The following SLIT2 variants were observed in gnomAD, a reference collection of about 807,000 sequenced individuals.
SLIT2 encodes slit guidance ligand 2, also known as slit homolog 2 protein.
Under a neutral mutation model 185.7 loss-of-function variants are expected in SLIT2, and 41 were observed. That is an observed-to-expected ratio of 0.22 (90% CI 0.17 to 0.29). SLIT2 has a LOEUF of 0.29. Ranked by LOEUF, SLIT2 falls within the 10% of genes least tolerant of loss-of-function variation. The pLI is 1.00. For synonymous variants in SLIT2, 693 were observed against 680.2 expected, an observed-to-expected ratio of 1.02 and a Z score of -0.29; for missense variants, 1,571 against 1,909.0, an observed-to-expected ratio of 0.82 and a Z score of 3.30.
At chr4:20,258,415 G>A (rs2874800) in intron 3 of SLIT2, among the ~76,000 whole-genome samples, 54,680 of 151,178 alleles carry the variant, frequency 0.36, 10,339 homozygotes, top group East Asian at 0.69. Flanking sequence ...TATATTTAGC[G>A]TGGTGAACAT....
At chr4:20,362,016 A>C (rs1722781479) in intron 4 of SLIT2, among the ~76,000 whole-genome samples, 1 of 152,074 alleles carries the variant, frequency 6.6e-6, no homozygotes, top group African/African-American at 2.4e-5. Context: ...ATTTTGCTAC[A>C]CTGTATTAAG....
intron 4 of SLIT2, among the ~76,000 whole-genome samples, chr4:20,386,008 A>T (rs945625720): frequency 2.0e-5 from 3 of 152,216 alleles, no homozygotes; most frequent in Admixed American, 2.0e-4. Flanking sequence ...TCAACTAGTT[A>T]TAACGGCCAA....
intron 4 of SLIT2, among the ~76,000 whole-genome samples, chr4:20,441,346 A>C (rs1560425520): frequency 6.6e-6 from 1 of 152,164 alleles, no homozygotes; most frequent in Non-Finnish European, 1.5e-5. Flanking sequence ...AAAAATTTTC[A>C]ATCTCCTACT....
intron 4 of SLIT2, among the ~76,000 whole-genome samples, chr4:20,387,746 A>T (rs990313675): frequency 1.3e-5 from 2 of 152,064 alleles, no homozygotes; most frequent in African/African-American, 4.8e-5. Context: ...GCAGCAAGAC[A>T]ATGAAGACCT....
intron 4 of SLIT2, among the ~76,000 whole-genome samples, chr4:20,333,860 C>CT (rs2109208485): frequency 6.6e-6 from 1 of 152,184 alleles, no homozygotes; most frequent in East Asian, 1.9e-4. Flanking sequence ...TCAGAAGAAA[C>CT]TTTATTAGGG....
At chr4:20,479,177 T>A (rs922779468) in intron 5 of SLIT2, among the ~76,000 whole-genome samples, 1 of 152,192 alleles carries the variant, frequency 6.6e-6, no homozygotes, top group Admixed American at 6.6e-5. Context: ...GGTAGCCTTG[T>A]GTATGATTGT....
intron 5 of SLIT2, among the ~76,000 whole-genome samples, chr4:20,471,188 A>G (rs974749292): frequency 1.1e-4 from 17 of 152,200 alleles, no homozygotes; most frequent in African/African-American, 3.9e-4. Context: ...TAAAAATTTT[A>G]CATTAAAAGG....
chr4:20,299,496 C>T (rs1312153171), intron 4 of SLIT2, among the ~76,000 whole-genome samples: 3 of 152,094 alleles, frequency 2.0e-5, no homozygotes, highest in Non-Finnish European at 4.4e-5. Context: ...TTATCTATTT[C>T]AATAAATTGA....
intron 26 of SLIT2, 39 bp downstream of exon 26, chr4:20,554,007 C>A: frequency 6.8e-7 from 1 of 1,471,030 alleles, no homozygotes; most frequent in Non-Finnish European, 9.2e-7. Context: ...TTAAGAATTA[C>A]TATATTAAGT....
At chr4:20,617,814 C>G (rs1729800691) in intron 36 of SLIT2, among the ~76,000 whole-genome samples, 164 bp downstream of exon 36, 1 of 151,304 alleles carries the variant, frequency 6.6e-6, no homozygotes, top group Non-Finnish European at 1.5e-5. Flanking sequence ...TCACTACTTG[C>G]AGTTGCTGCT....
chr4:20,355,015 A>G (rs1402291882), intron 4 of SLIT2, among the ~76,000 whole-genome samples: 4 of 151,088 alleles, frequency 2.6e-5, no homozygotes, highest in South Asian at 2.1e-4. Context: ...ACCTTTCCTC[A>G]TTTTTAAGTT....
At position 20,528,732 on chromosome 4, in the gene SLIT2, T is replaced by G. The variant is rs1441829054; in HGVS notation, c.1463-217T>G. Among the ~76,000 whole-genome samples the G allele has an allele frequency of 6.6e-6, 1 of 152,210 alleles. No homozygotes were observed. The highest frequency in any genetic ancestry group is 1.5e-5 in the Non-Finnish European group (1 of 68,034). ...AGTACAGCTGTGAAAAGCTCAACTT[T>G]ATTAATGTTTTCCTGTCATGTGAAT... On this transcript the variant is annotated intron_variant, in intron 15 of 36. Coordinates refer to ENST00000504154, the MANE Select transcript of SLIT2 (RefSeq NM_004787.4). The surrounding 1 kb of genome is among the most constrained non-coding windows in gnomAD (Gnocchi z 4.2).
intron 29 of SLIT2, among the ~76,000 whole-genome samples, chr4:20,582,090 G>A (rs562868744): frequency 6.6e-5 from 10 of 152,250 alleles, no homozygotes; most frequent in East Asian, 3.9e-4. Flanking sequence ...GCCATGCCCC[G>A]ACTCAAAACC....
At chr4:20,349,707 A>G (rs1360089235) in intron 4 of SLIT2, among the ~76,000 whole-genome samples, 1 of 152,168 alleles carries the variant, frequency 6.6e-6, no homozygotes, top group African/African-American at 2.4e-5. Context: ...GGACTTTTAT[A>G]TTTGAATTTC....
intron 26 of SLIT2, chr4:20,554,430 T>A: frequency 2.3e-6 from 1 of 427,862 alleles, no homozygotes; most frequent in Admixed American, 2.5e-5. Context: ...TGTTCTTGTT[T>A]CTTGCTTGTT....
intron 4 of SLIT2, among the ~76,000 whole-genome samples, chr4:20,453,134 A>C (rs1164137582): frequency 6.6e-6 from 1 of 152,190 alleles, no homozygotes; most frequent in Non-Finnish European, 1.5e-5. Context: ...GACTTTTTGC[A>C]TTCAGAACAT....
intron 19 of SLIT2, 95 bp downstream of exon 19, chr4:20,539,679 A>G (rs1010496444): frequency 2.3e-6 from 2 of 855,212 alleles, no homozygotes; most frequent in Non-Finnish European, 3.3e-6. Context: ...TTAAAATGTG[A>G]TCAAGGGTTT....
chr4:20,589,462 T>A (rs1253723621), intron 29 of SLIT2, among the ~76,000 whole-genome samples, 182 bp from the exon 30 acceptor site: 2 of 152,236 alleles, frequency 1.3e-5, no homozygotes, highest in South Asian at 4.1e-4. Context: ...AGCAGCAGAC[T>A]CAGAATTGGA....
intron 3 of SLIT2, among the ~76,000 whole-genome samples, chr4:20,266,040 A>G (rs1414191393): frequency 6.6e-6 from 1 of 151,928 alleles, no homozygotes; most frequent in Non-Finnish European, 1.5e-5. Flanking sequence ...TGAGGAGTGA[A>G]TGAGATAACT....
Sources: allele counts gnomAD v4.1 joint callset (sites outside exome capture counted in the v4.1 genomes callset), GRCh38; gene constraint gnomAD v4.1.1; non-coding constraint Gnocchi (gnomAD v3.1); transcripts MANE v1.5; gene names NCBI Gene and HGNC (gene_info 2026-07-23, HGNC 2026-07-21).